The following APPBP2 variants were observed in gnomAD, a reference collection of about 807,000 sequenced individuals.
The protein encoded by APPBP2 is amyloid protein-binding protein 2.
Under a neutral mutation model 76.0 loss-of-function variants are expected in APPBP2, and 15 were observed. The observed-to-expected ratio is 0.20, with a 90% CI of 0.13 to 0.30. APPBP2 has a LOEUF of 0.30. Ranked by LOEUF, APPBP2 falls within the 10% of genes least tolerant of loss-of-function variation. The probability of loss-of-function intolerance (pLI) is 1.00; values close to 1 mark genes in which losing one functional copy is unlikely to be tolerated. For synonymous variants in APPBP2, 222 were observed against 242.2 expected, an observed-to-expected ratio of 0.92 and a Z score of 0.77; for missense variants, 401 against 687.2, an observed-to-expected ratio of 0.58 and a Z score of 4.66.
chr17:60,512,840 A>G (rs1293027624), intron 1 of APPBP2, among the ~76,000 whole-genome samples: 2 of 150,240 alleles, frequency 1.3e-5, no homozygotes, highest in East Asian at 3.9e-4. Context: ...TCTAAAAAAA[A>G]AAAAAAAAAA....
intron 1 of APPBP2, among the ~76,000 whole-genome samples, chr17:60,506,750 T>C (rs1344652574): frequency 6.6e-6 from 1 of 152,140 alleles, no homozygotes; most frequent in Non-Finnish European, 1.5e-5. Flanking sequence ...AAAAAAAACA[T>C]TTTCCCCCCG....
chr17:60,462,875 T>TG (rs1422226808), intron 6 of APPBP2, among the ~76,000 whole-genome samples: 6 of 139,504 alleles, frequency 4.3e-5, no homozygotes, highest in Middle Eastern at 8.7e-3. Flanking sequence ...ATGTGAACCC[T>TG]GGGGGGCGGA....
chr17:60,484,853 T>C (rs1347911481), intron 3 of APPBP2, among the ~76,000 whole-genome samples: 1 of 151,856 alleles, frequency 6.6e-6, no homozygotes, highest in Non-Finnish European at 1.5e-5. Context: ...AGTATGATAC[T>C]GGCTGTGGGT....
rs1173214481 is a variant in APPBP2 at position 60,445,187 on chromosome 17, T to A, written c.*2394A>T. 2.0e-5 allele frequency: 3 copies of A among 152,520 alleles called. No homozygotes were observed. The highest frequency in any genetic ancestry group is 7.2e-5 in the African/African-American group (3 of 41,420). 9.4% of individuals were successfully genotyped at this position (152,520 alleles called of 1,614,324 possible). A position where few individuals can be genotyped will look rare whatever the true frequency, so the allele number is the denominator to read the frequency against. ...AAGCTAGAGTGTATGCATTAAAGTA[T>A]ATGGATTTACAAAAAAACTACATTA... is the stretch of plus-strand genomic sequence containing the variant. On this transcript the variant is annotated 3_prime_UTR_variant, in exon 13 of 13. Transcript: ENST00000083182.
chr17:60,467,642 AAAG>A (rs1460332955), intron 4 of APPBP2, among the ~76,000 whole-genome samples: 1 of 152,238 alleles, frequency 6.6e-6, no homozygotes, highest in African/African-American at 2.4e-5. Flanking sequence ...TAAATGCCAT[AAAG>A]ATGATAAAAA....
At chr17:60,480,604 T>C (rs2090621310) in intron 3 of APPBP2, among the ~76,000 whole-genome samples, 1 of 152,208 alleles carries the variant, frequency 6.6e-6, no homozygotes, top group African/African-American at 2.4e-5. Context: ...TAAAACTTTC[T>C]AGCTTCCTCA....
intron 3 of APPBP2, among the ~76,000 whole-genome samples, chr17:60,489,480 G>A (rs141360081): frequency 8.0e-5 from 12 of 150,596 alleles, no homozygotes; most frequent in East Asian, 4.0e-4. Context: ...GTGTGGTGGC[G>A]CATGCCTGTA....
chr17:60,525,727 G>T, intron 1 of APPBP2, 67 bp downstream of exon 1: 1 of 1,603,484 alleles, frequency 6.2e-7, no homozygotes. Context: ...GGGGTTCGCA[G>T]ACGTGGAAGG....
chr17:60,473,281 T>C (rs980576779), intron 4 of APPBP2, among the ~76,000 whole-genome samples: 3 of 152,178 alleles, frequency 2.0e-5, no homozygotes, highest in Non-Finnish European at 2.9e-5. Context: ...TGCCCATCTC[T>C]AGCACTGATA....
At chr17:60,500,993 TTC>T (rs1201914942) in intron 1 of APPBP2, among the ~76,000 whole-genome samples, 1 of 152,156 alleles carries the variant, frequency 6.6e-6, no homozygotes, top group Non-Finnish European at 1.5e-5. Context: ...CGTTTATACA[TTC>T]TGACTTTTTA....
rs2090350380 is a variant in APPBP2, at chr17:60,446,753, A to T, written c.*828T>A. The T allele has an allele frequency of 6.6e-6, 1 of 152,172 alleles. No individual in the cohort carries two copies. Among genetic ancestry groups the T allele is most frequent in the Non-Finnish European group, 1.5e-5 (1 of 68,030 alleles). The allele number at this position is 152,172 out of a possible 1,614,324, so 9.4% of individuals were successfully genotyped here. ...CATAATTTTTGCATTATCCTTTTTC[A>T]TTATACATCTAAATGAAATCATTCT... On this transcript the variant is annotated 3_prime_UTR_variant, in exon 13 of 13. Transcript: ENST00000083182.
At chr17:60,491,239 A>G (rs571687831) in intron 3 of APPBP2, among the ~76,000 whole-genome samples, 1 of 152,268 alleles carries the variant, frequency 6.6e-6, no homozygotes, top group African/African-American at 2.4e-5. Flanking sequence ...ACTGGAGTAA[A>G]GGTGACTCTT....
Position 60,484,111 on chromosome 17 carries a change from C to G in APPBP2, c.380-4840G>C, listed in dbSNP as rs535810294. 2.6e-5 allele frequency among the ~76,000 whole-genome samples: 4 copies of G among 152,254 alleles called. No individual in the cohort carries two copies. In the East Asian group the frequency reaches 7.7e-4, roughly 29 times the overall value. Reference sequence around the variant, plus strand: ...TATATCTGTTTTGGTACCAGTACCACGCTGTTTTGGTTACTGCAGCCTTGT... The same window carrying G: ...TATATCTGTTTTGGTACCAGTACCAGGCTGTTTTGGTTACTGCAGCCTTGT... On this transcript the variant is annotated intron_variant, in intron 3 of 12. Transcript: ENST00000083182.
intron 1 of APPBP2, among the ~76,000 whole-genome samples, chr17:60,503,264 G>T (rs1234678420): frequency 6.8e-6 from 1 of 146,126 alleles, no homozygotes; most frequent in Admixed American, 6.6e-5. Flanking sequence ...GCCCGCCTCA[G>T]CCTTCCAAAG....
intron 11 of APPBP2, 28 bp downstream of exon 11, chr17:60,454,274 G>T (rs745772050): frequency 6.7e-7 from 1 of 1,484,272 alleles, no homozygotes; most frequent in Non-Finnish European, 9.0e-7. Flanking sequence ...ACTTAAGAGA[G>T]AAAAATATAG....
chr17:60,462,037 T>C lies in APPBP2; in HGVS notation c.787A>G (p.Lys263Glu). 6.2e-7 allele frequency: 1 copy of C among 1,613,568 alleles called. No homozygotes were observed. The highest frequency in any genetic ancestry group is 1.1e-5 in the South Asian group (1 of 91,074). ...TGTTTAATTAACTGTTCTGCCTTCTTAAATTCACGTTTTACTACACAAGCC... is the reference window on the plus strand; with the variant it reads ...TGTTTAATTAACTGTTCTGCCTTCTCAAATTCACGTTTTACTACACAAGCC... ...SKACVVKREF[K>E]KAEQLIKHAV... is the part of the protein sequence containing the mutation. The change falls in exon 7 of 13, where the codon AAG becomes GAG. Residue 263 changes from lysine (K) to glutamate (E), a missense_variant. Around this residue, in one of 5 missense-constraint regions of APPBP2, gnomAD observed 130 missense variants for 322.7 expected, o/e 0.40. Transcript: ENST00000083182.
Position 60,444,878 on chromosome 17 carries a change from GCTGAAC to G in APPBP2, c.*2697_*2702del, listed in dbSNP as rs2090333107. 1 of 152,374 alleles carries G rather than the reference GCTGAAC, an allele frequency of 6.6e-6. No individual in the cohort carries two copies. Among genetic ancestry groups the G allele is most frequent in the African/African-American group, 2.4e-5 (1 of 41,422 alleles). The allele number at this position is 152,374 out of a possible 1,614,324, so 9.4% of individuals were successfully genotyped here. ...AAGGCCCCTAATTTAACATAACTTT[GCTGAAC>G]CTCCAGAAAAATCTTTAAGTTGGCC... is the stretch of plus-strand genomic sequence containing the variant. On this transcript the variant is annotated 3_prime_UTR_variant, in exon 13 of 13. Coordinates refer to ENST00000083182, the MANE Select transcript of APPBP2 (RefSeq NM_006380.5).
rs190607020 is a variant in APPBP2 at position 60,456,792 on chromosome 17, G to A, written c.1062-411C>T. Among the ~76,000 whole-genome samples, 437 of 151,990 alleles carry A rather than the reference G, an allele frequency of 2.9e-3. 4 individuals carry two copies. The highest frequency in any genetic ancestry group is 3.4e-3 in the Middle Eastern group (1 of 294). On this transcript the variant is annotated intron_variant, in intron 9 of 12. Transcript: ENST00000083182. ...ATGCTCTTCCCCTGAACATTCTCAC[G>A]ACTCGCTCCTCAGGTCTTTCCAGAA...
chr17:60,478,457 T>C (rs1286696621), intron 4 of APPBP2, among the ~76,000 whole-genome samples: 1 of 152,200 alleles, frequency 6.6e-6, no homozygotes, highest in African/African-American at 2.4e-5. Context: ...TGCACAATTA[T>C]GGAAATGTAA....
Sources: gnomAD v4.1 joint callset for allele counts (sites outside exome capture counted in the v4.1 genomes callset) on GRCh38, gnomAD v4.1.1 for gene constraint, gnomAD v4.1.1 regional missense constraint, MANE v1.5 for transcripts, NCBI Gene and HGNC (gene_info 2026-07-23, HGNC 2026-07-21) for gene names.